The following TLL2 variants were observed in gnomAD, a reference collection of about 807,000 sequenced individuals.
TLL2 encodes the protein tolloid like 2.
In TLL2, 106 loss-of-function variants were observed where a neutral mutation model predicts 123.0. The observed-to-expected ratio is 0.86, with a 90% CI of 0.74 to 1.01. The LOEUF is 1.01. Among genes scored for constraint, TLL2 ranks in the 50% least tolerant of loss-of-function variants. The probability of loss-of-function intolerance (pLI) is 0.00; values close to 1 mark genes in which losing one functional copy is unlikely to be tolerated. For missense variants in TLL2, 1,332 were observed against 1,336.7 expected (o/e 1.00, Z 0.06); for synonymous variants, 494 against 516.8 (o/e 0.96, Z 0.60).
chr10:96,500,161 T>A (rs117819815), intron 1 of TLL2, among the ~76,000 whole-genome samples: 21,389 of 65,542 alleles, frequency 0.33, 2,057 homozygotes, highest in East Asian at 0.53. Context: ...AAAAAAAAAA[T>A]ACAAAAATTA....
intron 1 of TLL2, among the ~76,000 whole-genome samples, chr10:96,506,036 G>C (rs1250762195): frequency 6.6e-6 from 1 of 151,894 alleles, no homozygotes; most frequent in Non-Finnish European, 1.5e-5. Flanking sequence ...GGTGGATCAT[G>C]AAGTCAGGAG....
chr10:96,462,962 T>G (rs927001777), intron 2 of TLL2, among the ~76,000 whole-genome samples: 1 of 152,232 alleles, frequency 6.6e-6, no homozygotes, highest in Non-Finnish European at 1.5e-5. Context: ...AGAAGGCAGA[T>G]CATCCGGCCT....
At chr10:96,500,700 C>A (rs1694461366) in intron 1 of TLL2, among the ~76,000 whole-genome samples, 1 of 148,952 alleles carries the variant, frequency 6.7e-6, no homozygotes, top group African/African-American at 2.5e-5. Context: ...GTGGGAGGAT[C>A]ACCTGAGCCC....
chr10:96,475,126 A>G (rs1345503619), intron 2 of TLL2, among the ~76,000 whole-genome samples: 3 of 152,256 alleles, frequency 2.0e-5, no homozygotes, highest in African/African-American at 2.4e-5. Context: ...GACCCACTAC[A>G]GTGGTCACAA....
chr10:96,413,458 G>A, intron 7 of TLL2, 142 bp from the exon 8 acceptor site: 1 of 1,066,538 alleles, frequency 9.4e-7, no homozygotes, highest in Non-Finnish European at 1.3e-6. Context: ...TGGCATGACT[G>A]AAGAGGTTTC....
intron 2 of TLL2, among the ~76,000 whole-genome samples, chr10:96,454,400 A>T (rs1846990541): frequency 2.6e-5 from 4 of 152,218 alleles, no homozygotes; most frequent in Admixed American, 2.6e-4. Flanking sequence ...AGCTGTTTCC[A>T]GTGCCTTCAG....
intron 2 of TLL2, among the ~76,000 whole-genome samples, chr10:96,476,240 A>ATATATATATATATTTTTTTTTTTTTTTT: frequency 9.8e-5 from 2 of 20,482 alleles, no homozygotes; most frequent in Admixed American, 5.2e-4. Flanking sequence ...ATATATATAT[A>ATATATATATATATTTTTTTTTTTTTTTT]TTTTATTTTT....
At chr10:96,420,614 C>T (rs967579736) in intron 7 of TLL2, among the ~76,000 whole-genome samples, 1 of 152,190 alleles carries the variant, frequency 6.6e-6, no homozygotes. Context: ...GTGAGCACCA[C>T]CATGCTTCTA....
chr10:96,468,779 A>T (rs775660859), intron 2 of TLL2, among the ~76,000 whole-genome samples: 2 of 152,320 alleles, frequency 1.3e-5, no homozygotes, highest in African/African-American at 4.8e-5. Context: ...CCCCAGGTGG[A>T]GTCCCAGCCC....
chr10:96,492,460 C>G (rs775262640), intron 1 of TLL2, among the ~76,000 whole-genome samples: 2 of 152,166 alleles, frequency 1.3e-5, no homozygotes, highest in Non-Finnish European at 2.9e-5. Flanking sequence ...CCCGTCTCTA[C>G]TAAAAATACT....
At chr10:96,465,151 T>C (rs1056273497) in intron 2 of TLL2, among the ~76,000 whole-genome samples, 2 of 152,210 alleles carry the variant, frequency 1.3e-5, no homozygotes, top group African/African-American at 2.4e-5. Flanking sequence ...CCCCCTGTCC[T>C]TGACCTTTGC....
chr10:96,497,741 C>T (rs1173371857), intron 1 of TLL2, among the ~76,000 whole-genome samples: 1 of 152,210 alleles, frequency 6.6e-6, no homozygotes, highest in Non-Finnish European at 1.5e-5. Context: ...CTCTAATTGG[C>T]CCCTTCGTGA....
chr10:96,377,042 A>G (rs1303444435), intron 17 of TLL2, among the ~76,000 whole-genome samples: 3 of 152,102 alleles, frequency 2.0e-5, no homozygotes, highest in African/African-American at 7.2e-5. Flanking sequence ...GGGCCAGGCT[A>G]TCTTTCTATT....
intron 1 of TLL2, among the ~76,000 whole-genome samples, chr10:96,493,792 C>T (rs1847441408): frequency 6.6e-6 from 1 of 152,182 alleles, no homozygotes; most frequent in South Asian, 2.1e-4. Flanking sequence ...CTGGCACTGA[C>T]CTTCAGAACA....
chr10:96,508,721 C>A (rs1483014502), intron 1 of TLL2, among the ~76,000 whole-genome samples: 1 of 151,984 alleles, frequency 6.6e-6, no homozygotes, highest in Non-Finnish European at 1.5e-5. Context: ...TGTCTCCCCA[C>A]CTTTCTGCTT....
At chr10:96,381,755 G>A (rs1350525826) in intron 16 of TLL2, among the ~76,000 whole-genome samples, 1 of 152,098 alleles carries the variant, frequency 6.6e-6, no homozygotes, top group Admixed American at 6.5e-5. Context: ...CAGGGTTGGG[G>A]TCATTTCCCT....
intron 3 of TLL2, among the ~76,000 whole-genome samples, chr10:96,441,351 G>A (rs920317635): frequency 1.3e-5 from 2 of 152,226 alleles, no homozygotes; most frequent in African/African-American, 4.8e-5. Flanking sequence ...GCTAAGTAAA[G>A]GGGAGACTAG....
intron 14 of TLL2, 87 bp downstream of exon 14, chr10:96,386,866 C>G (rs1409129918): frequency 1.2e-5 from 19 of 1,576,894 alleles, no homozygotes; most frequent in Non-Finnish European, 1.3e-5. Context: ...TCCTACACAG[C>G]CAGCTGGTTG....
chr10:96,385,508 G>C (rs977669426), intron 15 of TLL2, among the ~76,000 whole-genome samples: 4 of 152,164 alleles, frequency 2.6e-5, no homozygotes, highest in African/African-American at 7.2e-5. Flanking sequence ...CTCAAGGTGA[G>C]ACCCCCAGCT....
Sources: gnomAD v4.1 joint callset for allele counts (sites outside exome capture counted in the v4.1 genomes callset) on GRCh38, gnomAD v4.1.1 for gene constraint, MANE v1.5 for transcripts, NCBI Gene and HGNC (gene_info 2026-07-23, HGNC 2026-07-21) for gene names.